The following TMEM165 variants were observed in gnomAD, a reference collection of about 807,000 sequenced individuals.
The protein encoded by TMEM165 is putative divalent cation/proton antiporter TMEM165.
Under a neutral mutation model 30.0 loss-of-function variants are expected in TMEM165, and 19 were observed. The ratio of observed to expected loss-of-function variants is 0.63; its 90% CI spans 0.44 to 0.93. The LOEUF is 0.93. Ranked by LOEUF, TMEM165 falls within the 40% of genes least tolerant of loss-of-function variation. TMEM165 has a pLI of 0.00. For missense variants in TMEM165, 340 were observed against 417.0 expected (o/e 0.82, Z 1.61); for synonymous variants, 168 against 162.9 (o/e 1.03, Z -0.24).
chr4:55,397,230 C>T (rs906858532), intron 1 of TMEM165: 5 of 152,262 alleles, frequency 3.3e-5, no homozygotes, highest in African/African-American at 1.2e-4. Flanking sequence ...CGTAACTAAT[C>T]TTCCCGAACA....
chr4:55,435,375 T>C, intron 3 of TMEM165: 1 of 1,610,410 alleles, frequency 6.2e-7, no homozygotes, highest in Non-Finnish European at 8.5e-7. Flanking sequence ...TAATGGGCCA[T>C]CCCCTTCCTC....
chr4:55,426,896 A>G (rs1285924205), downstream of TMEM165, among the ~76,000 whole-genome samples: 1 of 152,196 alleles, frequency 6.6e-6, no homozygotes, highest in African/African-American at 2.4e-5. Flanking sequence ...AAAAGGTCAT[A>G]TTTGTAGTTT....
At chr4:55,449,567 G>T in intron 3 of TMEM165, 2 of 1,284,114 alleles carry the variant, frequency 1.6e-6, no homozygotes, top group Non-Finnish European at 2.3e-6. Flanking sequence ...ATCTCAAAAT[G>T]TATTTCAGTT....
At chr4:55,398,292 A>T (rs575512027) in intron 1 of TMEM165, among the ~76,000 whole-genome samples, 3 of 152,220 alleles carry the variant, frequency 2.0e-5, no homozygotes, top group African/African-American at 4.8e-5. Flanking sequence ...TATGGGAGGG[A>T]ATCTGGGAGA....
chr4:55,431,267 T>C (rs1722482773), intron 3 of TMEM165: 1 of 152,146 alleles, frequency 6.6e-6, no homozygotes, highest in Non-Finnish European at 1.5e-5. Context: ...AATAGGCACA[T>C]TACCCATGCG....
chr4:55,407,216 A>T (rs2109534942), intron 1 of TMEM165, among the ~76,000 whole-genome samples: 1 of 152,248 alleles, frequency 6.6e-6, no homozygotes, highest in East Asian at 1.9e-4. Flanking sequence ...AGAGGGGGAT[A>T]ACGAAAAGGA....
intron 3 of TMEM165, chr4:55,444,813 A>G (rs1370037588): frequency 6.2e-7 from 1 of 1,608,188 alleles, no homozygotes; most frequent in East Asian, 2.2e-5. Context: ...GAAAAAGTGT[A>G]ATATATTTTA....
Position 55,405,038 on chromosome 4 carries a change from GTTTTTTTTCCTA to G in TMEM165, c.208-6564_208-6553del, listed in dbSNP as rs1371274557. Among the ~76,000 whole-genome samples the G allele has an allele frequency of 9.2e-5, 14 of 152,050 alleles. No individual in the cohort carries two copies. The East Asian group carries it at 2.5e-3, about 27-fold the overall frequency. On this transcript the variant is annotated intron_variant, in intron 1 of 5. Coordinates refer to ENST00000381334, the MANE Select transcript of TMEM165 (RefSeq NM_018475.5). ...TGCCTGGCTCGAAATATCTAAGATA[GTTTTTTTTCCTA>G]TTTTTTTTCCTCCCTCCACCTTCTT...
chr4:55,429,761 G>A (rs1722386676), downstream of TMEM165: 1 of 152,154 alleles, frequency 6.6e-6, no homozygotes, highest in Non-Finnish European at 1.5e-5. Context: ...AACAAAGAAG[G>A]CAGCAAGTGA....
chr4:55,432,374 G>T (rs1722573141), intron 3 of TMEM165: 1 of 151,658 alleles, frequency 6.6e-6, no homozygotes, highest in African/African-American at 2.4e-5. Flanking sequence ...GGTAACTGCA[G>T]AGTAGCTAGC....
intron 3 of TMEM165, chr4:55,435,378 C>A: frequency 6.2e-7 from 1 of 1,611,952 alleles, no homozygotes; most frequent in South Asian, 1.1e-5. Context: ...TGGGCCATCC[C>A]CTTCCTCCCT....
At chr4:55,402,384 C>CGTGT (rs2109524118) in intron 1 of TMEM165, among the ~76,000 whole-genome samples, 1 of 56,650 alleles carries the variant, frequency 1.8e-5, no homozygotes, top group East Asian at 4.9e-4. Flanking sequence ...TGTTTAAGTG[C>CGTGT]GTGCGTGTGT....
rs559957500 is a variant in TMEM165 at position 55,436,525 on chromosome 4, A to G, written c.408+11882A>G. On this transcript the variant is annotated intron_variant, in intron 3 of 3. Transcript: ENST00000608091. ...TGAAAGTCCTTTCCCCATTACTGAC[A>G]GTACAACTTGATGCAGGGTTCTTAA... Among the ~76,000 whole-genome samples the G allele has an allele frequency of 7.2e-5, 11 of 152,336 alleles. No individual in the cohort carries two copies. The East Asian group carries it at 2.1e-3, about 29-fold the overall frequency.
chr4:55,442,564 G>A (rs1426356922), intron 3 of TMEM165: 1 of 1,612,086 alleles, frequency 6.2e-7, no homozygotes, highest in East Asian at 2.2e-5. Context: ...CAGTGGGGCT[G>A]TAAGAGTGCT....
intron 1 of TMEM165, among the ~76,000 whole-genome samples, chr4:55,398,505 T>C (rs187892021): frequency 6.6e-5 from 10 of 152,392 alleles, no homozygotes; most frequent in Admixed American, 2.0e-4. Context: ...TTTTGACTTA[T>C]TTAATTCACT....
At position 55,418,955 on chromosome 4, in the gene TMEM165, G is replaced by T. The variant is rs576001189; in HGVS notation, c.792+970G>T. Among the ~76,000 whole-genome samples, 3 of 152,160 alleles carry T rather than the reference G, an allele frequency of 2.0e-5. No individual in the cohort carries two copies. The South Asian group carries it at 6.2e-4, about 32-fold the overall frequency. ...AGCTACTCAGGAGACTGAGGCAGGA[G>T]AATTGATTGAACCGGGGAGGCAGAG... On this transcript the variant is annotated intron_variant, in intron 4 of 5. Coordinates refer to ENST00000381334, the MANE Select transcript of TMEM165 (RefSeq NM_018475.5).
At chr4:55,449,273 A>AT in intron 3 of TMEM165, 1 of 852,812 alleles carries the variant, frequency 1.2e-6, no homozygotes. Context: ...TAAGTGTCAC[A>AT]TATCAGTAAC....
At position 55,402,795 on chromosome 4, in the gene TMEM165, C is replaced by CTTTTTTTTTTTTTTTTTTTTTTTTT. The variant is rs71194554; in HGVS notation, c.207+6413_207+6414insTTTTTTTTTTTTTTTTTTTTTTTTT. On this transcript the variant is annotated intron_variant, in intron 1 of 5. Coordinates refer to ENST00000381334, the MANE Select transcript of TMEM165 (RefSeq NM_018475.5). ...ACATTTTTACAACTTTTAAAAAAAG[C>CTTTTTTTTTTTTTTTTTTTTTTTTT]TTTTTTTTTTTTTTGAGACGGAGTC... Among the ~76,000 whole-genome samples, 3 of 71,400 alleles carry CTTTTTTTTTTTTTTTTTTTTTTTTT rather than the reference C, an allele frequency of 4.2e-5. 1 individual carries two copies. Among genetic ancestry groups the CTTTTTTTTTTTTTTTTTTTTTTTTT allele is most frequent in the Non-Finnish European group, 7.3e-5 (3 of 41,214 alleles). 46.8% of individuals were successfully genotyped at this position (71,400 alleles called of 152,430 possible). A position where few individuals can be genotyped will look rare whatever the true frequency, so the allele number is the denominator to read the frequency against.
At chr4:55,397,752 C>A (rs1055239208) in intron 1 of TMEM165, among the ~76,000 whole-genome samples, 4 of 140,434 alleles carry the variant, frequency 2.8e-5, no homozygotes, top group Non-Finnish European at 1.6e-5. Context: ...TTCCTTTTTC[C>A]TTTTTCTTTG....
Sources: gnomAD v4.1 joint callset for allele counts (sites outside exome capture counted in the v4.1 genomes callset) on GRCh38, gnomAD v4.1.1 for gene constraint, MANE v1.5 for transcripts, NCBI Gene and HGNC (gene_info 2026-07-23, HGNC 2026-07-21) for gene names.